SLC37A3: variants seen among roughly 807,000 people sequenced by gnomAD.
SLC37A3 encodes the protein solute carrier family 37 member 3, also known as sugar phosphate exchanger 3.
In SLC37A3, 51 loss-of-function variants were observed where a neutral mutation model predicts 67.1. The ratio of observed to expected loss-of-function variants is 0.76; its 90% confidence interval spans 0.61 to 0.96. SLC37A3 has a LOEUF of 0.96. Ranked by LOEUF, SLC37A3 falls within the 40% of genes least tolerant of loss-of-function variation. The probability of loss-of-function intolerance (pLI) is 0.00; values close to 1 mark genes in which losing one functional copy is unlikely to be tolerated. For synonymous variants in SLC37A3, 214 were observed against 231.4 expected, an observed-to-expected ratio of 0.92 and a Z score of 0.68; for missense variants, 508 against 603.0, an observed-to-expected ratio of 0.84 and a Z score of 1.65.
intron 11 of SLC37A3, 37 bp downstream of exon 11, chr7:140,345,832 G>T: frequency 6.7e-7 from 1 of 1,488,686 alleles, no homozygotes; most frequent in Non-Finnish European, 9.4e-7. Flanking sequence ...CCAGATTAGG[G>T]GAGCAAAGGA....
chr7:140,385,866 T>C (rs1585366916), intron 1 of SLC37A3, among the ~76,000 whole-genome samples: 1 of 152,190 alleles, frequency 6.6e-6, no homozygotes, highest in Non-Finnish European at 1.5e-5. Flanking sequence ...CACTGCAACC[T>C]CCAACTCCCA....
intron 5 of SLC37A3, among the ~76,000 whole-genome samples, chr7:140,359,605 T>C (rs1343632662): frequency 2.0e-5 from 3 of 152,224 alleles, no homozygotes; most frequent in Non-Finnish European, 4.4e-5. Context: ...CTGAATCATT[T>C]AGCAGCTTTC....
chr7:140,387,942 C>A (rs760997959), intron 1 of SLC37A3, among the ~76,000 whole-genome samples: 1 of 136,000 alleles, frequency 7.4e-6, no homozygotes, highest in African/African-American at 2.8e-5. Context: ...CTCAGTGAGC[C>A]GTGATTGTGC....
chr7:140,391,110 C>A (rs1207899762), intron 1 of SLC37A3, among the ~76,000 whole-genome samples: 1 of 152,188 alleles, frequency 6.6e-6, no homozygotes, highest in African/African-American at 2.4e-5. Flanking sequence ...CCTGTGACAG[C>A]GATTTCACAC....
chr7:140,339,759 T>TG (rs1179313368), intron 13 of SLC37A3, among the ~76,000 whole-genome samples: 1 of 147,964 alleles, frequency 6.8e-6, no homozygotes, highest in Non-Finnish European at 1.5e-5. Flanking sequence ...TTTTTTGAGA[T>TG]GGAGTCTCAC....
intron 1 of SLC37A3, among the ~76,000 whole-genome samples, chr7:140,397,910 T>C (rs571597243): frequency 6.6e-6 from 1 of 152,274 alleles, no homozygotes; most frequent in East Asian, 1.9e-4. Flanking sequence ...GACGAATAAT[T>C]TGACCAAATT....
intron 3 of SLC37A3, among the ~76,000 whole-genome samples, chr7:140,376,757 A>G (rs1798047707): frequency 1.3e-5 from 2 of 152,118 alleles, no homozygotes; most frequent in Admixed American, 1.3e-4. Context: ...GTAGCTGTGC[A>G]TAAGGTTGAG....
At chr7:140,373,789 C>G (rs534116849) in intron 3 of SLC37A3, among the ~76,000 whole-genome samples, 1 of 151,516 alleles carries the variant, frequency 6.6e-6, no homozygotes, top group African/African-American at 2.4e-5. Context: ...TACAGACACA[C>G]TCCACCATGC....
At chr7:140,362,332 A>G (rs1227645528) in intron 5 of SLC37A3, among the ~76,000 whole-genome samples, 1 of 135,080 alleles carries the variant, frequency 7.4e-6, no homozygotes, top group African/African-American at 2.8e-5. Flanking sequence ...CCGTCTGAGA[A>G]GTGAGGAGCC....
intron 3 of SLC37A3, among the ~76,000 whole-genome samples, 166 bp from the exon 4 acceptor site, chr7:140,369,848 C>G (rs1036753629): frequency 6.6e-6 from 1 of 152,222 alleles, no homozygotes; most frequent in Non-Finnish European, 1.5e-5. Context: ...CAGTGGCTCA[C>G]GCCTGTAATC....
chr7:140,364,347 G>T, intron 5 of SLC37A3, 61 bp downstream of exon 5: 1 of 1,418,544 alleles, frequency 7.0e-7, no homozygotes. Flanking sequence ...GAGAAGTAGG[G>T]AGATTACTTA....
intron 1 of SLC37A3, among the ~76,000 whole-genome samples, chr7:140,398,151 TG>T (rs1302156458): frequency 6.6e-6 from 1 of 152,110 alleles, no homozygotes; most frequent in Non-Finnish European, 1.5e-5. Context: ...CTCTGCCGCA[TG>T]GATCGGGGCC....
At chr7:140,348,462 C>CTT (rs66700092) in intron 10 of SLC37A3, 164 bp downstream of exon 10, 113 of 363,788 alleles carry the variant, frequency 3.1e-4, no homozygotes, top group Admixed American at 3.7e-4. Flanking sequence ...CTTTTCTTTT[C>CTT]TTTTTTTTTT....
At chr7:140,336,963 G>T (rs1487702217) in intron 14 of SLC37A3, among the ~76,000 whole-genome samples, 1 of 151,864 alleles carries the variant, frequency 6.6e-6, no homozygotes, top group African/African-American at 2.4e-5. Flanking sequence ...GCCGGGTGTG[G>T]TGGCAGGCGC....
At chr7:140,340,918 C>T (rs1796335574) in intron 13 of SLC37A3, among the ~76,000 whole-genome samples, 1 of 133,992 alleles carries the variant, frequency 7.5e-6, no homozygotes, top group Admixed American at 7.3e-5. Flanking sequence ...GGCATAAGAG[C>T]CAGATGCTGT....
chr7:140,395,379 TAA>T (rs35674101), intron 1 of SLC37A3, among the ~76,000 whole-genome samples: 4,522 of 77,872 alleles, frequency 0.058, 107 homozygotes, highest in South Asian at 0.14. Context: ...CATCTCAAAT[TAA>T]AAAAAAAAAA....
intron 5 of SLC37A3, 102 bp from the exon 6 acceptor site, chr7:140,358,887 T>A: frequency 3.5e-6 from 5 of 1,416,254 alleles, no homozygotes; most frequent in Non-Finnish European, 4.9e-6. Context: ...ACGTGAAGGA[T>A]ACACTCACAC....
At chr7:140,364,931 A>AT (rs1338337528) in intron 4 of SLC37A3, among the ~76,000 whole-genome samples, 1 of 152,200 alleles carries the variant, frequency 6.6e-6, no homozygotes, top group African/African-American at 2.4e-5. Context: ...TCCCAAAGGG[A>AT]TTCCTCTTAG....
chr7:140,377,127 A>T (rs1347593196), intron 3 of SLC37A3, among the ~76,000 whole-genome samples: 1 of 151,862 alleles, frequency 6.6e-6, no homozygotes, highest in African/African-American at 2.4e-5. Context: ...TATTTTTAGT[A>T]GAGAATGGAA....
Sources: gnomAD v4.1 joint callset for allele counts (sites outside exome capture counted in the v4.1 genomes callset) on GRCh38, gnomAD v4.1.1 for gene constraint, MANE v1.5 for transcripts, NCBI Gene and HGNC (gene_info 2026-07-23, HGNC 2026-07-21) for gene names.